Variants in KCNQ3 observed in about 807,000 individuals in gnomAD.
KCNQ3 encodes potassium voltage-gated channel subfamily Q member 3.
In KCNQ3, 30 loss-of-function variants were observed where a neutral mutation model predicts 92.5. That is an observed-to-expected ratio of 0.32 (90% CI 0.24 to 0.44). The LOEUF is 0.44. KCNQ3 is among the 20% of genes least tolerant of loss of function. The probability of loss-of-function intolerance (pLI) is 1.00; values close to 1 mark genes in which losing one functional copy is unlikely to be tolerated. For missense variants in KCNQ3, 913 were observed against 1,140.3 expected (o/e 0.80, Z 2.87); for synonymous variants, 450 against 468.8 (o/e 0.96, Z 0.52).
chr8:132,335,543 G>A (rs1396905746), intron 1 of KCNQ3, among the ~76,000 whole-genome samples: 8 of 152,188 alleles, frequency 5.3e-5, no homozygotes, highest in Non-Finnish European at 4.4e-5. Flanking sequence ...TCTGACAGAG[G>A]AATTAGAGGG....
At chr8:132,390,419 G>A (rs906321057) in intron 1 of KCNQ3, among the ~76,000 whole-genome samples, 1 of 152,122 alleles carries the variant, frequency 6.6e-6, no homozygotes, top group Non-Finnish European at 1.5e-5. Context: ...TAATTCAGCT[G>A]TACATTGTGT....
rs186581634 is a variant in KCNQ3, at chr8:132,368,542, A to G, written c.386+111605T>C. Among the ~76,000 whole-genome samples the G allele has an allele frequency of 2.8e-4, 42 of 152,174 alleles. 1 individual carries two copies. In the East Asian group the frequency reaches 7.5e-3, roughly 27 times the overall value. ...GTAGCACATGCTTGTAGTCCCAGCTACTCAGGAGGCTGAAGTGGGAGGATC... is the reference window on the plus strand; with the variant it reads ...GTAGCACATGCTTGTAGTCCCAGCTGCTCAGGAGGCTGAAGTGGGAGGATC... On this transcript the variant is annotated intron_variant, in intron 1 of 14. Transcript: ENST00000388996.
chr8:132,275,084 A>G (rs888107044), intron 1 of KCNQ3, among the ~76,000 whole-genome samples: 1 of 152,142 alleles, frequency 6.6e-6, no homozygotes, highest in Non-Finnish European at 1.5e-5. Context: ...GTTTTAAGTA[A>G]AGTCAGGACA....
At chr8:132,225,622 A>C (rs1014315841) in intron 1 of KCNQ3, among the ~76,000 whole-genome samples, 20 of 152,218 alleles carry the variant, frequency 1.3e-4, no homozygotes, top group African/African-American at 4.8e-4. Flanking sequence ...CACCTCTTCC[A>C]AATCCAATTT....
rs1227132340 is a variant in KCNQ3, at chr8:132,126,224, G to A, written c.*3038C>T. Reference sequence around the variant, plus strand: ...CAATTTCTTGGGCAAGTTTCAGAACGACTAGTATATCTGTGGTCATGTCAT... The same window carrying A: ...CAATTTCTTGGGCAAGTTTCAGAACAACTAGTATATCTGTGGTCATGTCAT... On this transcript the variant is annotated 3_prime_UTR_variant, in exon 15 of 15. Transcript: ENST00000388996. 1.3e-5 allele frequency: 2 copies of A among 152,286 alleles called. No individual in the cohort carries two copies. Among genetic ancestry groups the A allele is most frequent in the East Asian group, 3.9e-4 (2 of 5,186 alleles). The allele number at this position is 152,286 out of a possible 1,614,324, so 9.4% of individuals were successfully genotyped here.
At chr8:132,318,076 A>G (rs1185066159) in intron 1 of KCNQ3, among the ~76,000 whole-genome samples, 2 of 152,158 alleles carry the variant, frequency 1.3e-5, no homozygotes, top group Non-Finnish European at 2.9e-5. Flanking sequence ...TCCCTTGAAT[A>G]TGGGGTACAT....
chr8:132,262,659 A>C (rs1404904309), intron 1 of KCNQ3, among the ~76,000 whole-genome samples: 1 of 148,282 alleles, frequency 6.7e-6, no homozygotes, highest in Non-Finnish European at 1.5e-5. Flanking sequence ...TTACCATGAT[A>C]TACTCTTGAG....
chr8:132,471,323 G>A (rs930092702), intron 1 of KCNQ3, among the ~76,000 whole-genome samples: 6 of 152,128 alleles, frequency 3.9e-5, no homozygotes, highest in Admixed American at 3.3e-4. Context: ...GTAGCTTTAA[G>A]AGCCTGGGCA....
chr8:132,404,086 C>G (rs1223024865), intron 1 of KCNQ3, among the ~76,000 whole-genome samples: 4 of 152,210 alleles, frequency 2.6e-5, no homozygotes, highest in African/African-American at 9.7e-5. Flanking sequence ...TGCCCACTTC[C>G]CCTTCTCTTG....
chr8:132,377,513 G>A (rs914155021), intron 1 of KCNQ3, among the ~76,000 whole-genome samples: 1 of 152,218 alleles, frequency 6.6e-6, no homozygotes, highest in African/African-American at 2.4e-5. Context: ...AGGAGGATGA[G>A]GCTGGGTCAG....
chr8:132,171,688 C>T (rs868601640), intron 7 of KCNQ3, among the ~76,000 whole-genome samples: 9 of 152,180 alleles, frequency 5.9e-5, no homozygotes, highest in Admixed American at 3.3e-4. Context: ...GGGCTCTCTG[C>T]TTGGCAGATG....
At chr8:132,439,481 C>T (rs1821479329) in intron 1 of KCNQ3, among the ~76,000 whole-genome samples, 1 of 152,106 alleles carries the variant, frequency 6.6e-6, no homozygotes. Context: ...TTTTAACCCC[C>T]AGAATCTGTG....
rs5895132 is a variant in KCNQ3, at chr8:132,230,449, C to CAGAGAG, written c.387-44274_387-44269dup. Among the ~76,000 whole-genome samples the CAGAGAG allele has an allele frequency of 3.6e-3, 512 of 142,460 alleles. 4 individuals carry two copies. The highest frequency in any genetic ancestry group is 5.8e-3 in the Non-Finnish European group (372 of 64,260). The allele number at this position is 142,460 out of a possible 152,430, so 93.5% of individuals were successfully genotyped here. ...CACCACAGGCAGAGAGAGAGAGAGA[C>CAGAGAG]AGAGAGAGAGAGAGAGAGAGAGAGA... On this transcript the variant is annotated intron_variant, in intron 1 of 14. Coordinates refer to ENST00000388996, the MANE Select transcript of KCNQ3 (RefSeq NM_004519.4).
intron 1 of KCNQ3, among the ~76,000 whole-genome samples, chr8:132,187,815 G>GGTGGTGGTGGTGGTGATT: frequency 6.9e-6 from 1 of 145,778 alleles, no homozygotes; most frequent in Non-Finnish European, 1.5e-5. Flanking sequence ...TGATGGTGGT[G>GGTGGTGGTGGTGGTGATT]GTGGTGGTGG....
At chr8:132,291,078 G>A (rs888490888) in intron 1 of KCNQ3, among the ~76,000 whole-genome samples, 4 of 152,206 alleles carry the variant, frequency 2.6e-5, no homozygotes, top group Non-Finnish European at 5.9e-5. Flanking sequence ...GCCATGAATT[G>A]AGGATCTCAG....
At chr8:132,401,257 A>G (rs944812954) in intron 1 of KCNQ3, among the ~76,000 whole-genome samples, 2 of 152,106 alleles carry the variant, frequency 1.3e-5, no homozygotes, top group African/African-American at 4.8e-5. Context: ...ATTTCATAAG[A>G]TGGTTGAATC....
intron 1 of KCNQ3, among the ~76,000 whole-genome samples, chr8:132,272,251 G>C (rs1310433271): frequency 6.6e-6 from 1 of 152,172 alleles, no homozygotes; most frequent in Non-Finnish European, 1.5e-5. Flanking sequence ...TCCCTACCCT[G>C]CCATTGGCAG....
chr8:132,387,227 A>C (rs1235037939), intron 1 of KCNQ3, among the ~76,000 whole-genome samples: 1 of 152,244 alleles, frequency 6.6e-6, no homozygotes, highest in East Asian at 1.9e-4. Context: ...AATAGGGCTC[A>C]TGCCAAGAAC....
At chr8:132,215,844 A>G (rs1158454869) in intron 1 of KCNQ3, among the ~76,000 whole-genome samples, 1 of 152,074 alleles carries the variant, frequency 6.6e-6, no homozygotes, top group Non-Finnish European at 1.5e-5. Flanking sequence ...GTTCCCTTCC[A>G]TGGGGTGGGA....
Sources: gnomAD v4.1 joint callset for allele counts (sites outside exome capture counted in the v4.1 genomes callset) on GRCh38, gnomAD v4.1.1 for gene constraint, MANE v1.5 for transcripts, NCBI Gene and HGNC (gene_info 2026-07-23, HGNC 2026-07-21) for gene names.